Variants in RGS12 observed in about 807,000 individuals in gnomAD.
The protein encoded by RGS12 is regulator of G-protein signaling 12.
Under a neutral mutation model 120.1 loss-of-function variants are expected in RGS12, and 66 were observed. The ratio of observed to expected loss-of-function variants is 0.55; its 90% CI spans 0.45 to 0.67. The LOEUF (loss-of-function observed/expected upper bound fraction) is 0.67. Ranked by LOEUF, RGS12 falls within the 30% of genes least tolerant of loss-of-function variation. The pLI, the probability that RGS12 is intolerant of heterozygous loss-of-function variation, is 0.00. For missense variants in RGS12, 1,859 were observed against 1,957.7 expected (o/e 0.95, Z 0.95); for synonymous variants, 827 against 804.7 (o/e 1.03, Z -0.47).
In RGS12 at chr4:3,366,480, G is replaced by C. The variant is rs535477462; in HGVS notation, c.1999-19936G>C. Reference sequence around the variant, plus strand: ...CACAGTCAGCAGAGGCGCTCCTCCAGTTCCCGCCTCTCTGCCTCGCACGCC... The same window carrying C: ...CACAGTCAGCAGAGGCGCTCCTCCACTTCCCGCCTCTCTGCCTCGCACGCC... On this transcript the variant is annotated intron_variant, in intron 3 of 17. Coordinates refer to ENST00000336727, the MANE Select transcript of RGS12 (RefSeq NM_001394154.1). This position sits in a 1 kb window ranked among gnomAD's most constrained non-coding sequence, Gnocchi z 4.0. 1.3e-5 allele frequency among the ~76,000 whole-genome samples: 2 copies of C among 152,318 alleles called. No individual in the cohort carries two copies. Among genetic ancestry groups the C allele is most frequent in the South Asian group, 2.1e-4 (1 of 4,832 alleles).
At chr4:3,373,033 G>C (rs1717201726) in intron 3 of RGS12, among the ~76,000 whole-genome samples, 1 of 152,240 alleles carries the variant, frequency 6.6e-6, no homozygotes. Context: ...CGGTCACACA[G>C]AGGATGCGGT....
At chr4:3,419,710 G>A (rs901633744) in intron 9 of RGS12, among the ~76,000 whole-genome samples, 2 of 151,704 alleles carry the variant, frequency 1.3e-5, no homozygotes, top group Non-Finnish European at 2.9e-5. Context: ...CCTAGCTACT[G>A]GGGAGGCTGA....
intron 2 of RGS12, among the ~76,000 whole-genome samples, chr4:3,339,665 C>CATG (rs1712843427): frequency 6.6e-6 from 1 of 152,116 alleles, no homozygotes; most frequent in East Asian, 1.9e-4. Flanking sequence ...ATGAGGATCA[C>CATG]ATGATTGTTT....
In RGS12 at chr4:3,364,254, C is replaced by T. The variant is rs149472881; in HGVS notation, c.1998+21201C>T. ...TAGCACCGCATCACTGGCTGCACGT[C>T]GGGGCTCCTGGGCTCGTTACGTCCA... On this transcript the variant is annotated intron_variant, in intron 3 of 17. Transcript: ENST00000336727. 4.0e-4 allele frequency among the ~76,000 whole-genome samples: 61 copies of T among 152,266 alleles called. No homozygotes were observed. In the East Asian group the frequency reaches 0.01, roughly 25 times the overall value.
intron 3 of RGS12, among the ~76,000 whole-genome samples, chr4:3,349,995 T>A (rs1287079048): frequency 6.6e-6 from 1 of 152,244 alleles, no homozygotes; most frequent in Non-Finnish European, 1.5e-5. Context: ...TATTTATTTT[T>A]AATAATTATA....
At chr4:3,356,419 A>G (rs998729443) in intron 3 of RGS12, among the ~76,000 whole-genome samples, 1 of 152,048 alleles carries the variant, frequency 6.6e-6, no homozygotes, top group Non-Finnish European at 1.5e-5. Flanking sequence ...CCATTTTTCA[A>G]TATGCAGTTC....
Position 3,420,727 on chromosome 4 carries a change from C to A in RGS12, c.2838+9C>A, listed in dbSNP as rs1250002864. 6 of 1,610,054 alleles carry A rather than the reference C, an allele frequency of 3.7e-6. No individual in the cohort carries two copies. Among genetic ancestry groups the A allele is most frequent in the Non-Finnish European group, 5.1e-6 (6 of 1,179,222 alleles). ...CGGGGAGCCTGGACCTGGTGAGTCA[C>A]TGTCTCCCCTCGTCCCACAGGCCTC... On this transcript the variant is annotated intron_variant, in intron 10 of 17. Coordinates refer to ENST00000336727, the MANE Select transcript of RGS12 (RefSeq NM_001394154.1).
At chr4:3,350,954 A>C (rs1714300007) in intron 3 of RGS12, among the ~76,000 whole-genome samples, 1 of 152,200 alleles carries the variant, frequency 6.6e-6, no homozygotes. Context: ...AAAACATAGT[A>C]ATACAAATTC....
intron 15 of RGS12, 174 bp from the exon 16 acceptor site, chr4:3,428,384 C>A: frequency 1.3e-6 from 1 of 759,088 alleles, no homozygotes; most frequent in Non-Finnish European, 2.2e-6. Flanking sequence ...AGTGGTTGTG[C>A]CTTAAATGCT....
At chr4:3,321,576 G>A (rs1294418513) in intron 2 of RGS12, among the ~76,000 whole-genome samples, 1 of 152,222 alleles carries the variant, frequency 6.6e-6, no homozygotes, top group Non-Finnish European at 1.5e-5. Flanking sequence ...GCGTCTGTAT[G>A]CACCCTTCTT....
intron 3 of RGS12, among the ~76,000 whole-genome samples, chr4:3,376,080 C>G (rs960848043): frequency 6.6e-6 from 1 of 152,208 alleles, no homozygotes; most frequent in Admixed American, 6.5e-5. Context: ...TACTGCTGTC[C>G]CAGGAGGACA....
At chr4:3,436,170 G>A (rs1240659512) in intron 17 of RGS12, among the ~76,000 whole-genome samples, 1 of 152,168 alleles carries the variant, frequency 6.6e-6, no homozygotes, top group Non-Finnish European at 1.5e-5. Flanking sequence ...GGGTGCTCTC[G>A]TTCCCATGGG....
At chr4:3,361,282 G>C (rs1176726899) in intron 3 of RGS12, among the ~76,000 whole-genome samples, 2 of 152,198 alleles carry the variant, frequency 1.3e-5, no homozygotes, top group African/African-American at 4.8e-5. Flanking sequence ...ACATGGTTCT[G>C]CTTTTCATTG....
chr4:3,424,372 A>T (rs748924958), intron 13 of RGS12, among the ~76,000 whole-genome samples: 1 of 152,272 alleles, frequency 6.6e-6, no homozygotes, highest in African/African-American at 2.4e-5. Flanking sequence ...AGAAGAACCT[A>T]TTAAATTATT....
intron 3 of RGS12, among the ~76,000 whole-genome samples, chr4:3,357,388 T>C (rs1253598239): frequency 6.6e-6 from 1 of 152,134 alleles, no homozygotes; most frequent in Non-Finnish European, 1.5e-5. Context: ...TTTCATGAAG[T>C]CCAATTTATC....
chr4:3,382,737 C>T (rs981793350), intron 3 of RGS12, among the ~76,000 whole-genome samples: 1 of 152,224 alleles, frequency 6.6e-6, no homozygotes, highest in Non-Finnish European at 1.5e-5. Flanking sequence ...CCCAAATCCT[C>T]TCTTCAACTG....
chr4:3,327,500 A>C (rs556519147), intron 2 of RGS12, among the ~76,000 whole-genome samples: 1 of 152,240 alleles, frequency 6.6e-6, no homozygotes, highest in Non-Finnish European at 1.5e-5. Context: ...AGCCTGCAGG[A>C]TGGAAGAAAG....
In RGS12 at chr4:3,293,060, G is replaced by C. The variant is rs951920170; in HGVS notation, c.-141G>C. The C allele has an allele frequency of 1.2e-3, 173 of 148,066 alleles. 1 individual carries two copies. The highest frequency in any genetic ancestry group is 4.0e-3 in the African/African-American group (164 of 41,076). The allele number at this position is 148,066 out of a possible 1,614,324, so 9.2% of individuals were successfully genotyped here. On this transcript the variant is annotated 5_prime_UTR_variant, in exon 1 of 18. Coordinates refer to ENST00000336727, the MANE Select transcript of RGS12 (RefSeq NM_001394154.1). ...CCGTTGCGCGCGCGGGCGGTGGCGC[G>C]GGCCGAAGCGCCCGGAGCGGGAGCG...
chr4:3,307,286 C>T (rs563040650), intron 1 of RGS12, among the ~76,000 whole-genome samples: 10 of 152,336 alleles, frequency 6.6e-5, no homozygotes, highest in East Asian at 3.9e-4. Context: ...GACATGAGCC[C>T]GCGCACCGCT....
Sources: allele counts gnomAD v4.1 joint callset (sites outside exome capture counted in the v4.1 genomes callset), GRCh38; gene constraint gnomAD v4.1.1; non-coding constraint Gnocchi (gnomAD v3.1); transcripts MANE v1.5; gene names NCBI Gene and HGNC (gene_info 2026-07-23, HGNC 2026-07-21).